Variants in TDP1 observed in about 807,000 individuals in gnomAD.
The protein encoded by TDP1 is tyrosyl-DNA phosphodiesterase 1.
A neutral mutation model predicts 81.5 loss-of-function variants in TDP1; 64 were observed. The observed-to-expected ratio is 0.79, with a 90% CI of 0.64 to 0.97. TDP1 has a LOEUF of 0.97. TDP1 is among the 50% of genes least tolerant of loss of function. The probability of loss-of-function intolerance (pLI) is 0.00; values close to 1 mark genes in which losing one functional copy is unlikely to be tolerated. For synonymous variants in TDP1, 256 were observed against 264.3 expected (o/e 0.97, Z 0.30); for missense variants, 723 against 743.8 (o/e 0.97, Z 0.33).
chr14:89,981,847 G>T (rs1404617382), intron 8 of TDP1, among the ~76,000 whole-genome samples: 1 of 151,996 alleles, frequency 6.6e-6, no homozygotes, highest in South Asian at 2.1e-4. Context: ...CACCACACTT[G>T]GCTAACTGTC....
At chr14:90,020,763 G>GTGC (rs1885983447) in intron 15 of TDP1, among the ~76,000 whole-genome samples, 1 of 144,878 alleles carries the variant, frequency 6.9e-6, no homozygotes, top group African/African-American at 2.7e-5. Flanking sequence ...GGGTTGGTGT[G>GTGC]TGCTTGTCCT....
Position 89,982,986 on chromosome 14 carries a change from C to T in TDP1, c.885-1530C>T, listed in dbSNP as rs1036034265. Reference sequence around the variant, plus strand: ...ATTAGAACAAGAGTTGCATCCAAAGCTCACAGTAAAGAATAAAATAAAATT... The same window carrying T: ...ATTAGAACAAGAGTTGCATCCAAAGTTCACAGTAAAGAATAAAATAAAATT... On this transcript the variant is annotated intron_variant, in intron 8 of 16. Coordinates refer to ENST00000335725, the MANE Select transcript of TDP1 (RefSeq NM_018319.4). 2.6e-5 allele frequency: 10 copies of T among 380,884 alleles called. 1 individual carries two copies. Among genetic ancestry groups the T allele is most frequent in the Non-Finnish European group, 3.6e-5 (7 of 195,160 alleles). The allele number at this position is 380,884 out of a possible 1,614,324, so 23.6% of individuals were successfully genotyped here.
At chr14:89,955,999 C>T (rs1031061815) in intron 1 of TDP1, 29 bp downstream of exon 1, 1 of 152,696 alleles carries the variant, frequency 6.5e-6, no homozygotes, top group Admixed American at 6.5e-5. Flanking sequence ...TGGGCGCGGA[C>T]TCGGTGCGGT....
At chr14:89,975,897 C>A in intron 7 of TDP1, 82 bp downstream of exon 7, 1 of 1,107,722 alleles carries the variant, frequency 9.0e-7, no homozygotes, top group Non-Finnish European at 1.4e-6. Context: ...AGAGACTGAG[C>A]ATGGTAGGCC....
intron 14 of TDP1, among the ~76,000 whole-genome samples, chr14:90,008,321 T>C (rs888170350): frequency 6.6e-6 from 1 of 152,228 alleles, no homozygotes; most frequent in African/African-American, 2.4e-5. Flanking sequence ...TTCTTCTGTT[T>C]CATTAGTTTT....
At chr14:90,011,501 T>G (rs1053067786) in intron 14 of TDP1, among the ~76,000 whole-genome samples, 1 of 152,188 alleles carries the variant, frequency 6.6e-6, no homozygotes. Context: ...TTGAATGGCT[T>G]TGACCAAAAT....
At position 89,993,453 on chromosome 14, in the gene TDP1, T is replaced by C. The variant is rs1397230340; in HGVS notation, c.1511T>C (p.Phe504Ser). The C allele has an allele frequency of 2.5e-6, 4 of 1,613,820 alleles. No individual in the cohort carries two copies. The highest frequency in any genetic ancestry group is 4.5e-5 in the East Asian group (2 of 44,866). Residue 504 changes from phenylalanine to serine, a missense_variant, in exon 14 of 17, where the codon TTC becomes TCC. Phe to Ser is a radical substitution (Grantham distance 155). Coordinates refer to ENST00000335725, the MANE Select transcript of TDP1 (RefSeq NM_018319.4). ...ACATATATGAGGCCTTCTCCAGACTTCAGTAAAATTGCTTGGTTCCTTGTC... is the reference window on the plus strand; with the variant it reads ...ACATATATGAGGCCTTCTCCAGACTCCAGTAAAATTGCTTGGTTCCTTGTC... ...IKTYMRPSPDFSKIAWFLVTS... is the reference protein window; with the variant it reads ...IKTYMRPSPDSSKIAWFLVTS...
At chr14:90,042,006 A>G (rs1888405230) in intron 16 of TDP1, among the ~76,000 whole-genome samples, 1 of 152,206 alleles carries the variant, frequency 6.6e-6, no homozygotes. Flanking sequence ...ACTTGATGCC[A>G]TAACCCACAT....
At chr14:90,021,248 A>G (rs1177023908) in intron 15 of TDP1, among the ~76,000 whole-genome samples, 1 of 152,190 alleles carries the variant, frequency 6.6e-6, no homozygotes, top group African/African-American at 2.4e-5. Context: ...CAGTTTCACT[A>G]CAAAACTATG....
chr14:89,994,991 A>C (rs938550467), intron 14 of TDP1, among the ~76,000 whole-genome samples: 3 of 152,222 alleles, frequency 2.0e-5, no homozygotes, highest in African/African-American at 7.2e-5. Context: ...ATCCACTGTC[A>C]GTTTACTCAT....
intron 10 of TDP1, among the ~76,000 whole-genome samples, chr14:89,988,005 C>G (rs1264320803): frequency 1.3e-5 from 2 of 152,192 alleles, no homozygotes; most frequent in Non-Finnish European, 2.9e-5. Context: ...TGACCAGCTT[C>G]AAGTTGAGGT....
chr14:90,040,215 A>G (rs183312633), intron 16 of TDP1, among the ~76,000 whole-genome samples: 2 of 152,272 alleles, frequency 1.3e-5, no homozygotes, highest in Admixed American at 1.3e-4. Flanking sequence ...GCCATCCTCT[A>G]CAGTGCTACC....
intron 11 of TDP1, 87 bp downstream of exon 11, chr14:89,989,177 A>G (rs956771068): frequency 2.2e-5 from 19 of 845,014 alleles, no homozygotes; most frequent in Non-Finnish European, 3.3e-5. Context: ...TAATGGAGAG[A>G]TGTTTTATTC....
At chr14:89,955,737 T>C (rs1252835681), upstream of TDP1, 3 of 152,212 alleles carry the variant, frequency 2.0e-5, no homozygotes, top group East Asian at 1.9e-4. Flanking sequence ...GGTTCTCCTC[T>C]CGTTTTAAGA....
intron 12 of TDP1, 35 bp downstream of exon 12, chr14:89,989,800 A>G (rs368500511): frequency 1.9e-4 from 287 of 1,530,504 alleles, no homozygotes; most frequent in Non-Finnish European, 2.4e-4. Flanking sequence ...ATTGTGTTTT[A>G]TGTATATTTC....
intron 14 of TDP1, 132 bp from the exon 15 acceptor site, chr14:90,019,184 A>G: frequency 7.5e-7 from 1 of 1,340,398 alleles, no homozygotes; most frequent in Admixed American, 2.0e-5. Context: ...AAATGCAGCA[A>G]CTCTGCTAGA....
chr14:90,012,998 G>T (rs1286096437), intron 14 of TDP1, among the ~76,000 whole-genome samples: 1 of 152,200 alleles, frequency 6.6e-6, no homozygotes, highest in African/African-American at 2.4e-5. Flanking sequence ...CTTGCATGGG[G>T]CCTGTAGCCC....
At chr14:89,960,890 G>GA (rs1286178990) in intron 2 of TDP1, among the ~76,000 whole-genome samples, 15 of 152,166 alleles carry the variant, frequency 9.9e-5, no homozygotes, top group Non-Finnish European at 2.1e-4. Context: ...TGTGTTCACT[G>GA]AAAAAATCAT....
rs144886603 is a variant in TDP1, at chr14:90,012,585, C to T, written c.1542-6731C>T. ...CCTCAATTCTTAACTTCTGTGTACC[C>T]GCAAGGCCATTGCTTCAGAGGTGTG... is the stretch of plus-strand genomic sequence containing the variant. On this transcript the variant is annotated intron_variant, in intron 14 of 16. Transcript: ENST00000335725. 1.1e-3 allele frequency among the ~76,000 whole-genome samples: 164 copies of T among 152,114 alleles called. 1 individual carries two copies. Among genetic ancestry groups the T allele is most frequent in the African/African-American group, 3.8e-3 (157 of 41,530 alleles).
Sources: allele counts gnomAD v4.1 joint callset (sites outside exome capture counted in the v4.1 genomes callset), GRCh38; gene constraint gnomAD v4.1.1; transcripts MANE v1.5; gene names NCBI Gene and HGNC (gene_info 2026-07-23, HGNC 2026-07-21).